SLC23A2: variants seen among roughly 807,000 people sequenced by gnomAD.
SLC23A2 encodes the protein Na(+)/L-ascorbic acid transporter 2.
Under a neutral mutation model 73.3 loss-of-function variants are expected in SLC23A2, and 36 were observed. The observed-to-expected ratio is 0.49, with a 90% CI of 0.38 to 0.65. The LOEUF is 0.65. Among genes scored for constraint, SLC23A2 ranks in the 30% least tolerant of loss-of-function variants. The probability of loss-of-function intolerance (pLI) is 0.00; values close to 1 mark genes in which losing one functional copy is unlikely to be tolerated. For missense variants in SLC23A2, 507 were observed against 841.6 expected (o/e 0.60, Z 4.92); for synonymous variants, 343 against 327.3 (o/e 1.05, Z -0.52).
intron 1 of SLC23A2, among the ~76,000 whole-genome samples, chr20:4,992,559 A>G (rs1245665702): frequency 1.5e-5 from 2 of 132,268 alleles, no homozygotes; most frequent in Admixed American, 8.5e-5. Context: ...TGCCCAGGTT[A>G]GAGTGTAATG....
chr20:4,892,520 CT>C (rs1412049288), intron 6 of SLC23A2, among the ~76,000 whole-genome samples: 3 of 152,156 alleles, frequency 2.0e-5, no homozygotes, highest in Non-Finnish European at 4.4e-5. Flanking sequence ...TTTTAAATTC[CT>C]TTTTAGTTAA....
At chr20:4,873,837 G>T in intron 11 of SLC23A2, 99 bp downstream of exon 11, 1 of 1,235,944 alleles carries the variant, frequency 8.1e-7, no homozygotes. Flanking sequence ...AGGCCTTCAG[G>T]AGACAGTCTG....
Position 4,885,849 on chromosome 20 carries a change from A to G in SLC23A2, c.543T>C (p.Ser181=). 2 of 1,613,786 alleles carry G rather than the reference A, an allele frequency of 1.2e-6. No homozygotes were observed. Among genetic ancestry groups the G allele is most frequent in the Non-Finnish European group, 1.7e-6 (2 of 1,179,696 alleles). The change falls in exon 7 of 17, where the codon TCT becomes TCC. Residue 181 remains serine, a synonymous_variant. Coordinates refer to ENST00000338244, the MANE Select transcript of SLC23A2 (RefSeq NM_005116.6). ...TGGTGTTACATTTCCATTTATCTAA[A>G]GACAGGATGGCTCGAGCAGGGGCCA... ...AFLAPARAIL[S]LDKWKCNTTD... is the part of the protein sequence containing the mutation.
chr20:4,992,503 G>GAT (rs1568660237), intron 1 of SLC23A2, among the ~76,000 whole-genome samples: 1 of 95,746 alleles, frequency 1.0e-5, no homozygotes, highest in African/African-American at 4.2e-5. Context: ...AAGATTGACA[G>GAT]TTTTTTTTTT....
chr20:4,970,320 C>A (rs767777233), intron 2 of SLC23A2, among the ~76,000 whole-genome samples: 1 of 152,120 alleles, frequency 6.6e-6, no homozygotes, highest in Non-Finnish European at 1.5e-5. Context: ...ATTAACCTAA[C>A]AATTCATTAT....
Position 4,899,627 on chromosome 20 carries a change from G to A in SLC23A2, c.410C>T (p.Thr137Ile). 1.9e-6 allele frequency: 3 copies of A among 1,614,136 alleles called. No homozygotes were observed. Among genetic ancestry groups the A allele is most frequent in the Non-Finnish European group, 2.5e-6 (3 of 1,180,012 alleles). ...GAAAATGGTCCCAATGAGCTGGCTG[G>A]TGGCCCACTGGTCGTACCCCACACA... ...AMCVGYDQWA[T>I]SQLIGTIFFC... The change falls in exon 6 of 17, where the codon ACC becomes ATC. Residue 137 changes from threonine (T) to isoleucine (I), a missense_variant. Physicochemically the swap from Thr to Ile is moderately conservative, Grantham distance 89. Transcript: ENST00000338244. This position sits in a 1 kb window ranked among gnomAD's most constrained non-coding sequence, Gnocchi z 4.9.
rs547767937 is a variant in SLC23A2 at position 4,869,698 on chromosome 20, C to A, written c.1250+208G>T. 4 of 487,974 alleles carry A rather than the reference C, an allele frequency of 8.2e-6. No homozygotes were observed. In the South Asian group the frequency reaches 1.2e-4, roughly 14 times the overall value. 30.2% of individuals were successfully genotyped at this position (487,974 alleles called of 1,614,324 possible). A position where few individuals can be genotyped will look rare whatever the true frequency, so the allele number is the denominator to read the frequency against. On this transcript the variant is annotated intron_variant, in intron 12 of 16. Transcript: ENST00000338244. ...TAGGAATTCCGTTCCACGTCATGGA[C>A]GAGGAAAATGAAAGTAAACAAAGGC...
intron 1 of SLC23A2, among the ~76,000 whole-genome samples, chr20:4,974,042 G>A (rs536324334): frequency 4.6e-5 from 7 of 152,278 alleles, no homozygotes; most frequent in African/African-American, 1.7e-4. Flanking sequence ...AAAAAGGGAT[G>A]TTAACTCTTC....
At chr20:4,999,845 A>G (rs2122371337) in intron 1 of SLC23A2, among the ~76,000 whole-genome samples, 1 of 152,344 alleles carries the variant, frequency 6.6e-6, no homozygotes, top group South Asian at 2.1e-4. Context: ...ATTGTCTTAA[A>G]AAATCACCCT....
intron 2 of SLC23A2, among the ~76,000 whole-genome samples, chr20:4,936,643 T>TCCAGA (rs2086965894): frequency 6.6e-6 from 1 of 152,166 alleles, no homozygotes; most frequent in Non-Finnish European, 1.5e-5. Context: ...TAGGTTAAGT[T>TCCAGA]CATCTTGGTG....
At chr20:4,871,213 G>T (rs1313299902) in intron 11 of SLC23A2, among the ~76,000 whole-genome samples, 1 of 152,156 alleles carries the variant, frequency 6.6e-6, no homozygotes, top group Non-Finnish European at 1.5e-5. Context: ...TCATGCAGGA[G>T]CCAACAACGT....
At chr20:4,928,288 AC>A (rs1250168849) in intron 3 of SLC23A2, among the ~76,000 whole-genome samples, 4 of 152,010 alleles carry the variant, frequency 2.6e-5, no homozygotes, top group Admixed American at 2.6e-4. Flanking sequence ...TGATCCTCCC[AC>A]CTTGGCCTCC....
intron 1 of SLC23A2, among the ~76,000 whole-genome samples, chr20:4,993,953 A>C (rs1167877146): frequency 6.6e-6 from 1 of 152,094 alleles, no homozygotes; most frequent in East Asian, 1.9e-4. Context: ...AGTTGGGTGT[A>C]GTGGTACATG....
chr20:5,003,410 C>A (rs972520727), upstream of SLC23A2, among the ~76,000 whole-genome samples: 6 of 151,568 alleles, frequency 4.0e-5, no homozygotes, highest in African/African-American at 1.5e-4. Flanking sequence ...AAAACAAAAA[C>A]AACAACAACA....
intron 2 of SLC23A2, among the ~76,000 whole-genome samples, chr20:4,964,011 AT>A (rs11389980): frequency 5.7e-4 from 84 of 147,130 alleles, no homozygotes; most frequent in Non-Finnish European, 5.7e-4. Flanking sequence ...CCATTAACTT[AT>A]TTTTTTTTTT....
At chr20:4,958,863 T>C (rs115576080) in intron 2 of SLC23A2, among the ~76,000 whole-genome samples, 3,913 of 152,226 alleles carry the variant, frequency 0.026, 169 homozygotes, top group African/African-American at 0.09. Context: ...TCAATTACTT[T>C]AAATAACTTT....
In SLC23A2 at chr20:4,899,503, G is replaced by A. The variant is rs1931668132; in HGVS notation, c.482+52C>T. The A allele has an allele frequency of 7.0e-7, 1 of 1,427,870 alleles. No homozygotes were observed. The highest frequency in any genetic ancestry group is 9.2e-7 in the Non-Finnish European group (1 of 1,082,646). 88.5% of individuals were successfully genotyped at this position (1,427,870 alleles called of 1,614,324 possible). A position where few individuals can be genotyped will look rare whatever the true frequency, so the allele number is the denominator to read the frequency against. ...AACGGCGCAGCTCAATGCCTTCTGC[G>A]CTCAATGCCTTCTGGGGGCTTTGGC... On this transcript the variant is annotated intron_variant, in intron 6 of 16. Transcript: ENST00000338244. This position sits in a 1 kb window ranked among gnomAD's most constrained non-coding sequence, Gnocchi z 4.9.
chr20:4,878,503 T>C (rs919998361), intron 9 of SLC23A2, among the ~76,000 whole-genome samples: 2 of 152,180 alleles, frequency 1.3e-5, no homozygotes, highest in Non-Finnish European at 2.9e-5. Flanking sequence ...AATTCAGTGG[T>C]TTCTGACGTT....
At chr20:5,004,557 A>C (rs2088168924), upstream of SLC23A2, among the ~76,000 whole-genome samples, 11 of 152,168 alleles carry the variant, frequency 7.2e-5, no homozygotes, top group Admixed American at 7.2e-4. Context: ...TCAAAAGGAT[A>C]ATTGGAGACC....
Sources: allele counts gnomAD v4.1 joint callset (sites outside exome capture counted in the v4.1 genomes callset), GRCh38; gene constraint gnomAD v4.1.1; non-coding constraint Gnocchi (gnomAD v3.1); transcripts MANE v1.5; gene names NCBI Gene and HGNC (gene_info 2026-07-23, HGNC 2026-07-21).